EYS: variants seen among roughly 807,000 people sequenced by gnomAD.
The protein encoded by EYS is EGF-like photoreceptor maintenance factor.
In EYS, 250 loss-of-function variants were observed where a neutral mutation model predicts 282.1. That is an observed-to-expected ratio of 0.89 (90% CI 0.80 to 0.98). The LOEUF is 0.98. Ranked by LOEUF, EYS falls within the 50% of genes least tolerant of loss-of-function variation. The pLI is 0.00. For synonymous variants in EYS, 1,355 were observed against 1,282.9 expected, an observed-to-expected ratio of 1.06 and a Z score of -1.20; for missense variants, 4,016 against 3,709.0, an observed-to-expected ratio of 1.08 and a Z score of -2.15.
chr6:64,765,668 G>A (rs1053712280), intron 22 of EYS, among the ~76,000 whole-genome samples: 2 of 152,144 alleles, frequency 1.3e-5, no homozygotes, highest in Non-Finnish European at 2.9e-5. Context: ...CAAGGCAAAG[G>A]TGAAGCAAGC....
At chr6:64,597,656 A>G (rs12529156) in intron 24 of EYS, among the ~76,000 whole-genome samples, 14,846 of 150,332 alleles carry the variant, frequency 0.099, 905 homozygotes, top group East Asian at 0.17. Context: ...GAGCTAAATA[A>G]TGTGTACATA....
At chr6:65,353,085 C>T (rs991354881) in intron 9 of EYS, among the ~76,000 whole-genome samples, 1 of 151,698 alleles carries the variant, frequency 6.6e-6, no homozygotes, top group African/African-American at 2.4e-5. Context: ...TCTAAATAGG[C>T]TCATTGCTTA....
At chr6:64,689,430 C>A (rs1350548678) in intron 22 of EYS, among the ~76,000 whole-genome samples, 1 of 149,470 alleles carries the variant, frequency 6.7e-6, no homozygotes, top group Non-Finnish European at 1.5e-5. Flanking sequence ...CCATCCCCAT[C>A]AAGCTACCAA....
intron 31 of EYS, among the ~76,000 whole-genome samples, chr6:64,094,069 G>A (rs139335900): frequency 0.023 from 3,486 of 152,180 alleles, 116 homozygotes; most frequent in African/African-American, 0.07. Context: ...ATTGATTTGC[G>A]TATGTGGAAC....
intron 12 of EYS, among the ~76,000 whole-genome samples, chr6:65,280,687 T>G (rs111742571): frequency 2.9e-4 from 44 of 151,884 alleles, no homozygotes; most frequent in African/African-American, 9.4e-4. Context: ...CAATTTCCAG[T>G]GCTATTTTAT....
In EYS at chr6:65,393,253, C is replaced by T. The variant is rs532338716; in HGVS notation, c.1185-8753G>A. On this transcript the variant is annotated intron_variant, in intron 7 of 42. Transcript: ENST00000503581. ...TGAGTTAGTGGGTGCAGCGCACCAG[C>T]ATGGCACATGTATACATACGTAACT... 5.4e-4 allele frequency among the ~76,000 whole-genome samples: 82 copies of T among 152,202 alleles called. 1 individual carries two copies. Among genetic ancestry groups the T allele is most frequent in the African/African-American group, 1.9e-3 (78 of 41,526 alleles).
intron 22 of EYS, among the ~76,000 whole-genome samples, chr6:64,744,319 G>C (rs1028475184): frequency 6.6e-6 from 1 of 152,008 alleles, no homozygotes; most frequent in African/African-American, 2.4e-5. Flanking sequence ...TCCCAAGTTG[G>C]GTAAGACTTG....
At chr6:65,358,008 G>T (rs1321233781) in intron 8 of EYS, among the ~76,000 whole-genome samples, 2 of 151,858 alleles carry the variant, frequency 1.3e-5, no homozygotes, top group African/African-American at 4.8e-5. Context: ...GTAGAATGAT[G>T]ACCTTCTCTG....
At chr6:65,328,402 A>G (rs182715881) in intron 11 of EYS, among the ~76,000 whole-genome samples, 17 of 151,624 alleles carry the variant, frequency 1.1e-4, no homozygotes, top group African/African-American at 3.1e-4. Flanking sequence ...AAATTGTAAT[A>G]TATATGTGTA....
At chr6:65,131,478 A>G (rs927028719) in intron 12 of EYS, among the ~76,000 whole-genome samples, 3 of 152,034 alleles carry the variant, frequency 2.0e-5, no homozygotes, top group Non-Finnish European at 4.4e-5. Context: ...CTCCTGAATG[A>G]GTTTTGAGTA....
chr6:65,403,241 C>A, intron 6 of EYS, among the ~76,000 whole-genome samples: 1 of 151,972 alleles, frequency 6.6e-6, no homozygotes, highest in Non-Finnish European at 1.5e-5. Flanking sequence ...AAACCATTGG[C>A]ACCTGAAACA....
At chr6:64,061,888 G>T (rs965440902) in intron 33 of EYS, among the ~76,000 whole-genome samples, 2 of 151,868 alleles carry the variant, frequency 1.3e-5, no homozygotes, top group Admixed American at 6.6e-5. Flanking sequence ...TATTTGGGTG[G>T]CTGAGGCAGG....
intron 13 of EYS, among the ~76,000 whole-genome samples, chr6:65,022,493 A>G (rs1402943183): frequency 6.6e-6 from 1 of 152,100 alleles, no homozygotes; most frequent in Non-Finnish European, 1.5e-5. Flanking sequence ...AGCTCTTCCC[A>G]AATAAGCAAA....
At chr6:64,374,094 G>A (rs986025891) in intron 29 of EYS, among the ~76,000 whole-genome samples, 1 of 151,500 alleles carries the variant, frequency 6.6e-6, no homozygotes, top group Admixed American at 6.6e-5. Context: ...CTAGTGGCGG[G>A]GCAGGTAAAG....
intron 28 of EYS, among the ~76,000 whole-genome samples, chr6:64,399,791 TC>T (rs1196592565): frequency 6.6e-6 from 1 of 151,930 alleles, no homozygotes; most frequent in East Asian, 1.9e-4. Context: ...AATTTTTGAC[TC>T]ATTGTACAAA....
At chr6:64,470,506 C>T (rs1358756466) in intron 26 of EYS, among the ~76,000 whole-genome samples, 2 of 152,236 alleles carry the variant, frequency 1.3e-5, no homozygotes, top group East Asian at 1.9e-4. Flanking sequence ...CAGACTAGAT[C>T]GGGGTGTCCA....
At chr6:64,038,170 G>T (rs1770212188) in intron 33 of EYS, among the ~76,000 whole-genome samples, 1 of 151,980 alleles carries the variant, frequency 6.6e-6, no homozygotes, top group African/African-American at 2.4e-5. Context: ...GTGGATTGGG[G>T]GATGTGGATA....
intron 12 of EYS, among the ~76,000 whole-genome samples, chr6:65,070,332 T>G (rs916373620): frequency 1.3e-5 from 2 of 151,858 alleles, no homozygotes; most frequent in Admixed American, 6.6e-5. Flanking sequence ...AGCCCAAATA[T>G]CTCAGCAAGT....
chr6:64,561,097 T>G (rs957912721), intron 26 of EYS, among the ~76,000 whole-genome samples: 1 of 152,098 alleles, frequency 6.6e-6, no homozygotes, highest in Non-Finnish European at 1.5e-5. Context: ...AACCACACGA[T>G]TATCTTAACA....
Sources: allele counts gnomAD v4.1 joint callset (sites outside exome capture counted in the v4.1 genomes callset), GRCh38; gene constraint gnomAD v4.1.1; transcripts MANE v1.5; gene names NCBI Gene and HGNC (gene_info 2026-07-23, HGNC 2026-07-21).